Variants in RIIAD1 observed in about 807,000 individuals in gnomAD.
The protein encoded by RIIAD1 is RIIa domain-containing protein 1.
Under a neutral mutation model 13.3 loss-of-function variants are expected in RIIAD1, and 15 were observed. The observed-to-expected ratio is 1.13, with a 90% CI of 0.76 to 1.74. The LOEUF is 1.74. RIIAD1 is among the 40% of genes most tolerant of loss of function. RIIAD1 has a pLI of 0.00. For missense variants in RIIAD1, 121 were observed against 112.2 expected, an observed-to-expected ratio of 1.08 and a Z score of -0.35; for synonymous variants, 50 against 43.3, an observed-to-expected ratio of 1.16 and a Z score of -0.61.
At chr1:151,717,451 T>TG (rs1417172557), upstream of RIIAD1, among the ~76,000 whole-genome samples, 1 of 152,244 alleles carries the variant, frequency 6.6e-6, no homozygotes, top group East Asian at 1.9e-4. Flanking sequence ...TCTCTCCCTC[T>TG]GGGGGGTTTG....
chr1:151,721,718 C>T (rs992456585), intron 1 of RIIAD1, 98 bp downstream of exon 1: 2 of 667,424 alleles, frequency 3.0e-6, no homozygotes, highest in African/African-American at 1.9e-5. Flanking sequence ...AGAAGGGGAG[C>T]GGGAGCCTGT....
chr1:151,723,073 C>A (rs535995013), intron 2 of RIIAD1, among the ~76,000 whole-genome samples: 2 of 152,352 alleles, frequency 1.3e-5, no homozygotes, highest in East Asian at 3.9e-4. Flanking sequence ...GTGCTTATAG[C>A]CAGAGGTGGG....
In RIIAD1 at chr1:151,722,079, C is replaced by T. The variant is rs1673747983; in HGVS notation, c.85-7C>T. 1.9e-6 allele frequency: 3 copies of T among 1,546,482 alleles called. No individual in the cohort carries two copies. The highest frequency in any genetic ancestry group is 1.7e-4 in the Middle Eastern group (1 of 5,988). On this transcript the variant is annotated splice_polypyrimidine_tract_variant and splice_region_variant and intron_variant, in intron 1 of 4. Coordinates refer to ENST00000479191, the MANE Select transcript of RIIAD1 (RefSeq NM_001144956.3). The stretch of plus-strand genomic sequence containing the variant: ...AATGGAAGTGACCCTTTGTTCTTGC[C>T]CCCCAGATTCAGACTCGGATTGCTA...
At chr1:151,725,126 T>TC (rs1392846643) in intron 2 of RIIAD1, among the ~76,000 whole-genome samples, 1 of 147,724 alleles carries the variant, frequency 6.8e-6, no homozygotes, top group Non-Finnish European at 1.5e-5. Context: ...TTTTTTTTTT[T>TC]TGGAGACGAA....
At chr1:151,718,614 T>C (rs536313774), upstream of RIIAD1, among the ~76,000 whole-genome samples, 1 of 152,322 alleles carries the variant, frequency 6.6e-6, no homozygotes, top group African/African-American at 2.4e-5. Context: ...GGCAGGTGCT[T>C]GCATTTGAGT....
chr1:151,724,046 C>A (rs1315793705), intron 2 of RIIAD1, among the ~76,000 whole-genome samples: 1 of 152,174 alleles, frequency 6.6e-6, no homozygotes, highest in African/African-American at 2.4e-5. Context: ...GCATTGCTCA[C>A]AAACAACAGG....
upstream of RIIAD1, among the ~76,000 whole-genome samples, chr1:151,717,086 T>G (rs931373064): frequency 6.6e-6 from 1 of 151,994 alleles, no homozygotes; most frequent in African/African-American, 2.4e-5. Context: ...GTGGGGTCCA[T>G]TGTTCCGGGG....
At chr1:151,721,738 A>C in intron 1 of RIIAD1, 118 bp downstream of exon 1, 5 of 564,166 alleles carry the variant, frequency 8.9e-6, no homozygotes, top group African/African-American at 2.0e-5. Flanking sequence ...TTCCCTGATA[A>C]AGTGGGGAGG....
intron 1 of RIIAD1, 120 bp from the exon 2 acceptor site, chr1:151,721,966 G>A: frequency 1.4e-6 from 1 of 699,102 alleles, no homozygotes; most frequent in Admixed American, 2.6e-5. Flanking sequence ...AAACTTTCAA[G>A]CATCCTGGGG....
intron 3 of RIIAD1, chr1:151,713,678 G>T (rs1237346086): frequency 6.6e-6 from 1 of 152,402 alleles, no homozygotes; most frequent in African/African-American, 2.4e-5. Flanking sequence ...CGCTCGCCTT[G>T]GGTCCTGCAG....
chr1:151,716,115 G>A, intron 4 of RIIAD1: 2 of 1,336,724 alleles, frequency 1.5e-6, no homozygotes, highest in South Asian at 1.5e-5. Context: ...GGGGCCCGGG[G>A]GCCCAGCTGG....
chr1:151,717,158 G>T (rs987085555), upstream of RIIAD1, among the ~76,000 whole-genome samples: 5 of 152,142 alleles, frequency 3.3e-5, no homozygotes, highest in African/African-American at 1.2e-4. Context: ...AAAGAGGGGA[G>T]CCCGGCATCT....
At chr1:151,721,751 G>A in intron 1 of RIIAD1, 131 bp downstream of exon 1, 1 of 547,712 alleles carries the variant, frequency 1.8e-6, no homozygotes, top group Non-Finnish European at 3.0e-6. Context: ...TGGGGAGGGC[G>A]CAGGGGAGAC....
intron 4 of RIIAD1, among the ~76,000 whole-genome samples, chr1:151,729,099 GCTT>G (rs368986214): frequency 6.6e-4 from 100 of 152,318 alleles, no homozygotes; most frequent in African/African-American, 2.3e-3. Flanking sequence ...GTAGCAGGAA[GCTT>G]CTTAATGTAG....
intron 2 of RIIAD1, among the ~76,000 whole-genome samples, chr1:151,723,104 A>G (rs1367218270): frequency 6.6e-6 from 1 of 152,174 alleles, no homozygotes; most frequent in East Asian, 1.9e-4. Context: ...TCTTCTCAAA[A>G]GTTGGCGAGG....
At chr1:151,714,685 G>A in intron 4 of RIIAD1, 1 of 1,552,202 alleles carries the variant, frequency 6.4e-7, no homozygotes, top group Non-Finnish European at 8.7e-7. Flanking sequence ...TCCTGAGGAG[G>A]GGCAGGGGCA....
upstream of RIIAD1, among the ~76,000 whole-genome samples, chr1:151,719,257 A>G (rs1673693033): frequency 6.6e-6 from 1 of 151,970 alleles, no homozygotes; most frequent in South Asian, 2.1e-4. Flanking sequence ...AGGCCATGGG[A>G]TGGGAGTCCT....
At chr1:151,719,834 T>C, upstream of RIIAD1, 1 of 588,120 alleles carries the variant, frequency 1.7e-6, no homozygotes, top group Non-Finnish European at 3.0e-6. Flanking sequence ...CACAAGAAGA[T>C]CACAGATTGG....
intron 4 of RIIAD1, chr1:151,715,766 T>C: frequency 1.3e-6 from 2 of 1,596,688 alleles, no homozygotes; most frequent in South Asian, 1.1e-5. Context: ...GCCTGAACTC[T>C]TCTCCTTCCA....
Sources: gnomAD v4.1 joint callset for allele counts (sites outside exome capture counted in the v4.1 genomes callset) on GRCh38, gnomAD v4.1.1 for gene constraint, MANE v1.5 for transcripts, NCBI Gene and HGNC (gene_info 2026-07-23, HGNC 2026-07-21) for gene names.